EIF2B3: variants seen among roughly 807,000 people sequenced by gnomAD.
EIF2B3 encodes the protein translation initiation factor eIF2B subunit gamma.
In EIF2B3, 20 loss-of-function variants were observed where a neutral mutation model predicts 54.1. That is an observed-to-expected ratio of 0.37 (90% confidence interval 0.26 to 0.54). The LOEUF (loss-of-function observed/expected upper bound fraction) is 0.54, where lower values mean the gene tolerates loss of function less well. EIF2B3 is among the 20% of genes least tolerant of loss of function. The pLI is 0.86. For missense variants in EIF2B3, 448 were observed against 547.8 expected, an observed-to-expected ratio of 0.82 and a Z score of 1.82; for synonymous variants, 153 against 188.1, an observed-to-expected ratio of 0.81 and a Z score of 1.52.
chr1:44,932,111 A>C (rs1196224954), intron 4 of EIF2B3, among the ~76,000 whole-genome samples: 1 of 151,612 alleles, frequency 6.6e-6, no homozygotes, highest in Non-Finnish European at 1.5e-5. Flanking sequence ...GACTGTCTCA[A>C]AACGAACACA....
chr1:44,973,187 T>C (rs1307893636), intron 3 of EIF2B3, among the ~76,000 whole-genome samples: 1 of 152,216 alleles, frequency 6.6e-6, no homozygotes, highest in Non-Finnish European at 1.5e-5. Context: ...ATCCAGCAAC[T>C]ACATTTCTCA....
chr1:44,860,953 CTT>C (rs1654595515), intron 10 of EIF2B3, among the ~76,000 whole-genome samples: 1 of 152,284 alleles, frequency 6.6e-6, no homozygotes, highest in East Asian at 1.9e-4. Context: ...AATGCCAAAA[CTT>C]AGTAAAATGC....
intron 5 of EIF2B3, among the ~76,000 whole-genome samples, chr1:44,916,157 C>A (rs1643618633): frequency 6.6e-6 from 1 of 152,062 alleles, no homozygotes; most frequent in South Asian, 2.1e-4. Context: ...TATAAATGGG[C>A]TAAATGTTAA....
At chr1:44,964,930 C>T (rs574031928) in intron 3 of EIF2B3, among the ~76,000 whole-genome samples, 76 of 152,278 alleles carry the variant, frequency 5.0e-4, no homozygotes, top group Middle Eastern at 6.8e-3. Flanking sequence ...GAGGAATAAT[C>T]GCAGTCTGTT....
chr1:44,878,014 T>C (rs1655255394), intron 8 of EIF2B3, among the ~76,000 whole-genome samples: 2 of 152,238 alleles, frequency 1.3e-5, no homozygotes, highest in African/African-American at 4.8e-5. Context: ...TTTCATGATG[T>C]GGACACAGCG....
intron 3 of EIF2B3, among the ~76,000 whole-genome samples, chr1:44,973,170 G>C (rs1170958649): frequency 6.6e-6 from 1 of 152,166 alleles, no homozygotes; most frequent in South Asian, 2.1e-4. Context: ...CACAGAAATA[G>C]CATATAATCC....
intron 3 of EIF2B3, 40 bp from the exon 4 acceptor site, chr1:44,941,705 C>A: frequency 6.2e-7 from 1 of 1,611,258 alleles, no homozygotes. Context: ...TCATAAAGGA[C>A]AATGGATTAC....
intron 4 of EIF2B3, among the ~76,000 whole-genome samples, chr1:44,932,941 G>A (rs1643910349): frequency 6.6e-6 from 1 of 152,048 alleles, no homozygotes; most frequent in African/African-American, 2.4e-5. Flanking sequence ...AGAAAATGTG[G>A]GTATAAAGTA....
chr1:44,883,566 C>A (rs190458492), intron 6 of EIF2B3, among the ~76,000 whole-genome samples: 3 of 152,292 alleles, frequency 2.0e-5, no homozygotes, highest in South Asian at 4.1e-4. Flanking sequence ...GGTTTCCACA[C>A]CCCTATGATT....
chr1:44,882,609 GC>G (rs748659521), intron 6 of EIF2B3, among the ~76,000 whole-genome samples: 3 of 150,530 alleles, frequency 2.0e-5, no homozygotes, highest in Non-Finnish European at 4.4e-5. Flanking sequence ...AGAGCCACAT[GC>G]CTGGCTAATT....
Position 44,951,819 on chromosome 1 carries a change from G to A in EIF2B3, c.295-10154C>T, listed in dbSNP as rs796507369. Reference sequence around the variant, plus strand: ...TTTTTTTTTTTTGAGACGGGGTCTCGCTCTGTCACCCAGGCTGGAGTGCAG... The same window carrying A: ...TTTTTTTTTTTTGAGACGGGGTCTCACTCTGTCACCCAGGCTGGAGTGCAG... On this transcript the variant is annotated intron_variant, in intron 3 of 11. Coordinates refer to ENST00000360403, the MANE Select transcript of EIF2B3 (RefSeq NM_020365.5). 2.9e-4 allele frequency among the ~76,000 whole-genome samples: 41 copies of A among 143,754 alleles called. 1 individual carries two copies. The highest frequency in any genetic ancestry group is 1.0e-3 in the African/African-American group (40 of 38,100). 94.3% of individuals were successfully genotyped at this position (143,754 alleles called of 152,430 possible).
intron 3 of EIF2B3, among the ~76,000 whole-genome samples, chr1:44,973,736 C>T (rs1456374333): frequency 6.6e-6 from 1 of 152,020 alleles, no homozygotes. Context: ...TCTATGATTC[C>T]ACTTACATGA....
chr1:44,914,243 C>T (rs1256630135), intron 5 of EIF2B3, among the ~76,000 whole-genome samples: 1 of 151,798 alleles, frequency 6.6e-6, no homozygotes, highest in East Asian at 1.9e-4. Flanking sequence ...TCACTGCAAC[C>T]TCCGCCTCCC....
At chr1:44,875,842 C>G (rs1655110478) in intron 8 of EIF2B3, 147 bp from the exon 9 acceptor site, 2 of 709,460 alleles carry the variant, frequency 2.8e-6, no homozygotes, top group Non-Finnish European at 5.1e-6. Context: ...CGAGCCAAAG[C>G]TGGACTGTAC....
At chr1:44,914,204 A>G (rs1643574721) in intron 5 of EIF2B3, among the ~76,000 whole-genome samples, 1 of 147,522 alleles carries the variant, frequency 6.8e-6, no homozygotes, top group South Asian at 2.1e-4. Flanking sequence ...CTTGTTGCCC[A>G]AGCTGGAATG....
intron 3 of EIF2B3, among the ~76,000 whole-genome samples, chr1:44,959,870 T>C (rs1444544490): frequency 6.6e-6 from 1 of 152,200 alleles, no homozygotes; most frequent in Non-Finnish European, 1.5e-5. Context: ...AGCTGTGTTG[T>C]TTATGCCTTA....
At chr1:44,963,940 C>T (rs564893887) in intron 3 of EIF2B3, among the ~76,000 whole-genome samples, 1 of 152,132 alleles carries the variant, frequency 6.6e-6, no homozygotes, top group East Asian at 1.9e-4. Flanking sequence ...GACTCAAACA[C>T]AGGGCTTGCA....
intron 5 of EIF2B3, among the ~76,000 whole-genome samples, chr1:44,905,561 A>G (rs911184398): frequency 6.6e-6 from 1 of 152,046 alleles, no homozygotes; most frequent in African/African-American, 2.4e-5. Context: ...AATTGCTACT[A>G]GAAGTGGTCC....
chr1:44,860,756 G>C (rs1248145394), intron 10 of EIF2B3, among the ~76,000 whole-genome samples: 1 of 152,146 alleles, frequency 6.6e-6, no homozygotes, highest in Non-Finnish European at 1.5e-5. Context: ...ACCCGAGTCA[G>C]AAATGGGAAG....
Sources: allele counts gnomAD v4.1 joint callset (sites outside exome capture counted in the v4.1 genomes callset), GRCh38; gene constraint gnomAD v4.1.1; transcripts MANE v1.5; gene names NCBI Gene and HGNC (gene_info 2026-07-23, HGNC 2026-07-21).